FNDC3A: variants seen among roughly 807,000 people sequenced by gnomAD.
The protein encoded by FNDC3A is fibronectin type III domain containing 3A.
In FNDC3A, 32 loss-of-function variants were observed where a neutral mutation model predicts 148.9. The ratio of observed to expected loss-of-function variants is 0.21; its 90% CI spans 0.16 to 0.29. The LOEUF (loss-of-function observed/expected upper bound fraction) is 0.29. FNDC3A is among the 10% of genes least tolerant of loss of function. FNDC3A has a pLI of 1.00. For synonymous variants in FNDC3A, 472 were observed against 473.6 expected (o/e 1.00, Z 0.04); for missense variants, 1,191 against 1,452.8 (o/e 0.82, Z 2.93).
At chr13:49,205,323 A>T (rs1593755318) in intron 25 of FNDC3A, among the ~76,000 whole-genome samples, 1 of 152,338 alleles carries the variant, frequency 6.6e-6, no homozygotes, top group East Asian at 1.9e-4. Flanking sequence ...CATCTATTAT[A>T]TCCATAAGAC....
chr13:49,000,667 A>G (rs1293280504), intron 1 of FNDC3A, among the ~76,000 whole-genome samples: 1 of 152,190 alleles, frequency 6.6e-6, no homozygotes, highest in Non-Finnish European at 1.5e-5. Context: ...TTTGGATAGT[A>G]TGGACATTTT....
intron 4 of FNDC3A, among the ~76,000 whole-genome samples, chr13:49,121,724 A>G (rs1881358670): frequency 2.6e-5 from 4 of 152,362 alleles, no homozygotes; most frequent in Admixed American, 2.6e-4. Flanking sequence ...AAACACCTCT[A>G]TGCAAATAAA....
intron 2 of FNDC3A, among the ~76,000 whole-genome samples, chr13:49,032,006 G>A (rs988673826): frequency 3.9e-5 from 6 of 152,298 alleles, no homozygotes; most frequent in Admixed American, 1.3e-4. Context: ...TTTCTTCAAA[G>A]AAGTTATGTA....
Position 49,131,345 on chromosome 13 carries a change from A to G in FNDC3A, c.461A>G (p.Tyr154Cys). The change falls in exon 5 of 26, where the codon TAT becomes TGT. Residue 154 changes from tyrosine to cysteine, a missense_variant. By Grantham distance (194) the Tyr-to-Cys change is radical. Transcript: ENST00000492622. The stretch of plus-strand genomic sequence containing the variant: ...ATGACAACACAGTATATGCCACAGT[A>G]TCAGTCTTCACAAGTCTATGGAGAT... ...GDMTTQYMPQ[Y>C]QSSQVYGDVD... 2 of 1,613,488 alleles carry G rather than the reference A, an allele frequency of 1.2e-6. No individual in the cohort carries two copies. Among genetic ancestry groups the G allele is most frequent in the Non-Finnish European group, 1.7e-6 (2 of 1,179,400 alleles).
In FNDC3A at chr13:49,130,662, G is replaced by A. The variant is rs893602006; in HGVS notation, c.253-475G>A. Among the ~76,000 whole-genome samples, 7 of 152,184 alleles carry A rather than the reference G, an allele frequency of 4.6e-5. No homozygotes were observed. The East Asian group carries it at 1.3e-3, about 29-fold the overall frequency. ...TGTATAACAAAAACTAATTCATTTTGTTTAGTGCTAATTTACATGTACCAA... is the reference window on the plus strand; with the variant it reads ...TGTATAACAAAAACTAATTCATTTTATTTAGTGCTAATTTACATGTACCAA... On this transcript the variant is annotated intron_variant, in intron 4 of 25. Coordinates refer to ENST00000492622, the MANE Select transcript of FNDC3A (RefSeq NM_001079673.2).
intron 14 of FNDC3A, among the ~76,000 whole-genome samples, chr13:49,185,024 C>CT (rs1885494801): frequency 6.6e-6 from 1 of 151,990 alleles, no homozygotes; most frequent in Non-Finnish European, 1.5e-5. Flanking sequence ...CAGTTTGTCT[C>CT]TAACACTTTT....
chr13:49,030,582 A>T (rs1006122658), intron 2 of FNDC3A, among the ~76,000 whole-genome samples: 4 of 152,228 alleles, frequency 2.6e-5, no homozygotes, highest in African/African-American at 9.6e-5. Context: ...AACTCTATTC[A>T]AAGAGAACAT....
At chr13:49,201,127 T>A (rs552049696) in intron 23 of FNDC3A, 272 of 292,448 alleles carry the variant, frequency 9.3e-4, no homozygotes, top group African/African-American at 5.7e-3. Flanking sequence ...TTTCCAAAAA[T>A]TTTAGAAACA....
intron 2 of FNDC3A, among the ~76,000 whole-genome samples, chr13:49,025,869 T>C (rs1248661752): frequency 2.0e-5 from 3 of 152,202 alleles, no homozygotes; most frequent in Non-Finnish European, 4.4e-5. Context: ...ATAATAGCAG[T>C]ATTTAATAAA....
intron 4 of FNDC3A, among the ~76,000 whole-genome samples, chr13:49,127,695 A>C (rs147997874): frequency 4.5e-4 from 69 of 152,268 alleles, no homozygotes; most frequent in African/African-American, 1.6e-3. Flanking sequence ...CAACATTTCC[A>C]CTAAGTTGTC....
At chr13:49,015,276 G>T (rs1481429408) in intron 2 of FNDC3A, among the ~76,000 whole-genome samples, 1 of 152,078 alleles carries the variant, frequency 6.6e-6, no homozygotes, top group Non-Finnish European at 1.5e-5. Flanking sequence ...TTATCTCCTT[G>T]AGCAATGGTT....
intron 2 of FNDC3A, among the ~76,000 whole-genome samples, chr13:49,013,494 A>ATATGTACACGTGTATACATGTATATACG (rs1566190452): frequency 2.0e-5 from 3 of 151,480 alleles, no homozygotes; most frequent in Non-Finnish European, 4.4e-5. Context: ...ATGTATATAC[A>ATATGTACACGTGTATACATGTATATACG]TGTACATGCG....
chr13:49,135,967 G>A (rs1328497742), intron 5 of FNDC3A, among the ~76,000 whole-genome samples: 2 of 152,098 alleles, frequency 1.3e-5, no homozygotes, highest in Non-Finnish European at 2.9e-5. Context: ...GATGTGAAAA[G>A]TAATAGTTAC....
At chr13:49,053,202 T>C (rs1376264450) in intron 2 of FNDC3A, among the ~76,000 whole-genome samples, 1 of 152,204 alleles carries the variant, frequency 6.6e-6, no homozygotes, top group Non-Finnish European at 1.5e-5. Flanking sequence ...TTGGGGAGCC[T>C]GCAGTGGTGA....
chr13:49,032,752 A>G (rs371757354), intron 2 of FNDC3A, among the ~76,000 whole-genome samples: 1 of 152,062 alleles, frequency 6.6e-6, no homozygotes, highest in South Asian at 2.1e-4. Context: ...AAAAAAGTCT[A>G]TGGAAATTTC....
At chr13:49,032,672 C>G (rs1874208302) in intron 2 of FNDC3A, among the ~76,000 whole-genome samples, 1 of 151,868 alleles carries the variant, frequency 6.6e-6, no homozygotes, top group South Asian at 2.1e-4. Context: ...GGAGGCGGAG[C>G]TTGCAGTGAG....
intron 4 of FNDC3A, among the ~76,000 whole-genome samples, chr13:49,119,758 A>G (rs1349443643): frequency 6.6e-6 from 1 of 151,972 alleles, no homozygotes; most frequent in Non-Finnish European, 1.5e-5. Context: ...AGATCAACTT[A>G]ATGAAATAAA....
chr13:48,978,949 T>C (rs1050622124), intron 1 of FNDC3A, among the ~76,000 whole-genome samples: 39 of 152,184 alleles, frequency 2.6e-4, no homozygotes, highest in Admixed American at 1.8e-3. Context: ...TTATTTCAGA[T>C]AATTATTCAG....
chr13:48,986,241 T>C (rs1226528119), intron 1 of FNDC3A, among the ~76,000 whole-genome samples: 9 of 152,140 alleles, frequency 5.9e-5, no homozygotes, highest in Non-Finnish European at 1.2e-4. Flanking sequence ...TAATTTCGAA[T>C]GTAGTTTTTT....
Sources: allele counts gnomAD v4.1 joint callset (sites outside exome capture counted in the v4.1 genomes callset), GRCh38; gene constraint gnomAD v4.1.1; transcripts MANE v1.5; gene names NCBI Gene and HGNC (gene_info 2026-07-23, HGNC 2026-07-21).